The following PRKN variants were observed in gnomAD, a reference collection of about 807,000 sequenced individuals.
PRKN encodes the protein E3 ubiquitin-protein ligase parkin.
PRKN carries 56 observed loss-of-function variants against 59.5 expected under a neutral mutation model. The observed-to-expected ratio is 0.94, with a 90% CI of 0.76 to 1.18. The LOEUF is 1.18. Ranked by LOEUF, PRKN falls within the 50% of genes most tolerant of loss-of-function variation. The pLI is 0.00. For missense variants in PRKN, 657 were observed against 596.4 expected, an observed-to-expected ratio of 1.10 and a Z score of -1.06; for synonymous variants, 250 against 222.1, an observed-to-expected ratio of 1.13 and a Z score of -1.12.
chr6:162,414,952 A>G (rs67157417), intron 2 of PRKN, among the ~76,000 whole-genome samples: 83,400 of 151,714 alleles, frequency 0.55, 23,881 homozygotes, highest in African/African-American at 0.71. Flanking sequence ...AGACCAGTAA[A>G]ATTTCTGTTC....
At chr6:161,643,300 A>C (rs1028382668) in intron 7 of PRKN, among the ~76,000 whole-genome samples, 2 of 152,176 alleles carry the variant, frequency 1.3e-5, no homozygotes, top group South Asian at 4.1e-4. Flanking sequence ...AAAACACACA[A>C]TTAAACCGGA....
intron 4 of PRKN, among the ~76,000 whole-genome samples, chr6:162,185,886 G>A (rs1784008899): frequency 6.6e-6 from 1 of 152,098 alleles, no homozygotes. Context: ...AGCAAGTAGT[G>A]TTAAAAATAA....
intron 6 of PRKN, among the ~76,000 whole-genome samples, chr6:161,855,295 C>T (rs142111599): frequency 1.3e-3 from 202 of 152,176 alleles, no homozygotes; most frequent in African/African-American, 4.6e-3. Flanking sequence ...AGTTAAGAAA[C>T]ACTGGTTAAC....
intron 6 of PRKN, among the ~76,000 whole-genome samples, chr6:161,960,459 C>T (rs1461436015): frequency 6.6e-6 from 1 of 152,106 alleles, no homozygotes; most frequent in African/African-American, 2.4e-5. Flanking sequence ...GGATAAATCA[C>T]GCGATAAGAA....
intron 1 of PRKN, among the ~76,000 whole-genome samples, chr6:162,543,775 T>C (rs566811564): frequency 1.3e-5 from 2 of 152,234 alleles, no homozygotes; most frequent in African/African-American, 4.8e-5. Flanking sequence ...TCTTAACTCC[T>C]GCCCAGGCCA....
chr6:161,585,285 G>A (rs1445176733), intron 7 of PRKN, among the ~76,000 whole-genome samples: 1 of 152,206 alleles, frequency 6.6e-6, no homozygotes, highest in Non-Finnish European at 1.5e-5. Context: ...ATTCATATAT[G>A]TGAGCTTTGG....
At chr6:161,914,687 G>A (rs1028922920) in intron 6 of PRKN, among the ~76,000 whole-genome samples, 1 of 152,048 alleles carries the variant, frequency 6.6e-6, no homozygotes, top group Non-Finnish European at 1.5e-5. Flanking sequence ...TAGCGTGTTG[G>A]TTGGTACCAT....
At chr6:162,648,209 T>C (rs1158753244) in intron 1 of PRKN, among the ~76,000 whole-genome samples, 1 of 152,120 alleles carries the variant, frequency 6.6e-6, no homozygotes, top group African/African-American at 2.4e-5. Context: ...TCCAGCAAGC[T>C]TCAAAATGCT....
chr6:162,391,173 TTTC>T (rs1787165918), intron 2 of PRKN, among the ~76,000 whole-genome samples: 1 of 152,112 alleles, frequency 6.6e-6, no homozygotes. Context: ...GGAAGATAAT[TTTC>T]TTACTACGCA....
Position 162,711,164 on chromosome 6 carries a change from C to T in PRKN, c.7+16498G>A, listed in dbSNP as rs372208374. Among the ~76,000 whole-genome samples, 8 of 152,272 alleles carry T rather than the reference C, an allele frequency of 5.3e-5. 1 individual carries two copies. Among genetic ancestry groups the T allele is most frequent in the African/African-American group, 1.9e-4 (8 of 41,562 alleles). Reference sequence around the variant, plus strand: ...CATTTCTCTGTATGAGAGCTCTGACCCTTGTCAGACAATGCTCCTAAAGAC... The same window carrying T: ...CATTTCTCTGTATGAGAGCTCTGACTCTTGTCAGACAATGCTCCTAAAGAC... On this transcript the variant is annotated intron_variant, in intron 1 of 11. Coordinates refer to ENST00000366898, the MANE Select transcript of PRKN (RefSeq NM_004562.3).
At position 162,467,490 on chromosome 6, in the gene PRKN, A is replaced by C. The variant is rs4709619; in HGVS notation, c.8-24017T>G. On this transcript the variant is annotated intron_variant, in intron 1 of 11. Coordinates refer to ENST00000366898, the MANE Select transcript of PRKN (RefSeq NM_004562.3). Reference sequence around the variant, plus strand: ...AATAGCTCATGATAAAAATTTAGCGATCGTCATCAGTGTATCCCTTTATCC... The same window carrying C: ...AATAGCTCATGATAAAAATTTAGCGCTCGTCATCAGTGTATCCCTTTATCC... Among the ~76,000 whole-genome samples, 4 of 151,962 alleles carry C rather than the reference A, an allele frequency of 2.6e-5. 1 individual carries two copies. The South Asian group carries it at 8.3e-4, about 31-fold the overall frequency.
chr6:162,486,539 T>C (rs1792547345), intron 1 of PRKN, among the ~76,000 whole-genome samples: 1 of 152,200 alleles, frequency 6.6e-6, no homozygotes, highest in South Asian at 2.1e-4. Context: ...TGCTCATCTA[T>C]TTGTGAGAGA....
At chr6:162,542,828 C>G (rs1444710357) in intron 1 of PRKN, among the ~76,000 whole-genome samples, 1 of 152,178 alleles carries the variant, frequency 6.6e-6, no homozygotes, top group African/African-American at 2.4e-5. Context: ...AGCACTCGCG[C>G]AAACCCCCAA....
intron 3 of PRKN, among the ~76,000 whole-genome samples, chr6:162,233,675 G>T (rs1013760140): frequency 2.0e-5 from 3 of 152,160 alleles, no homozygotes; most frequent in Non-Finnish European, 4.4e-5. Context: ...AATACTGGAC[G>T]TGTCCGCCAG....
intron 2 of PRKN, among the ~76,000 whole-genome samples, chr6:162,304,823 C>CCGG (rs1583346459): frequency 7.2e-6 from 1 of 138,898 alleles, no homozygotes; most frequent in Admixed American, 6.9e-5. Flanking sequence ...GCTGCTGCTG[C>CCGG]CAGATGTGAG....
At chr6:161,701,677 T>C (rs1300035648) in intron 7 of PRKN, among the ~76,000 whole-genome samples, 1 of 152,354 alleles carries the variant, frequency 6.6e-6, no homozygotes, top group East Asian at 1.9e-4. Context: ...GTGGCTTGAA[T>C]ACACAAAATA....
chr6:161,460,870 C>T lies in PRKN; in HGVS notation c.1084-73993G>A, dbSNP rs368355497. 3.3e-5 allele frequency among the ~76,000 whole-genome samples: 5 copies of T among 151,856 alleles called. No homozygotes were observed. Among genetic ancestry groups the T allele is most frequent in the African/African-American group, 1.2e-4 (5 of 41,338 alleles). On this transcript the variant is annotated intron_variant, in intron 9 of 11. Coordinates refer to ENST00000366898, the MANE Select transcript of PRKN (RefSeq NM_004562.3). This position sits in a 1 kb window ranked among gnomAD's most constrained non-coding sequence, Gnocchi z 5.0. ...GTTCAAGCAATTCTCCTGCCTCGGCCTCCCAAGTAGCTGGGACTACAGGTA... is the reference window on the plus strand; with the variant it reads ...GTTCAAGCAATTCTCCTGCCTCGGCTTCCCAAGTAGCTGGGACTACAGGTA...
At chr6:162,457,224 T>C (rs762509604) in intron 1 of PRKN, among the ~76,000 whole-genome samples, 2 of 152,144 alleles carry the variant, frequency 1.3e-5, no homozygotes, top group Admixed American at 6.5e-5. Flanking sequence ...CTATATTACA[T>C]TGGGATAAAG....
At chr6:162,586,186 T>C (rs1781046775) in intron 1 of PRKN, among the ~76,000 whole-genome samples, 2 of 152,258 alleles carry the variant, frequency 1.3e-5, no homozygotes. Context: ...AAGTTGTATA[T>C]AAGTTCAGTA....
Sources: gnomAD v4.1 joint callset for allele counts (sites outside exome capture counted in the v4.1 genomes callset) on GRCh38, gnomAD v4.1.1 for gene constraint, Gnocchi (gnomAD v3.1) non-coding constraint, MANE v1.5 for transcripts, NCBI Gene and HGNC (gene_info 2026-07-23, HGNC 2026-07-21) for gene names.